AKAP9: variants seen among roughly 807,000 people sequenced by gnomAD.
The protein encoded by AKAP9 is A-kinase anchoring protein 9, also known as A-kinase anchor protein 9.
AKAP9 carries 311 observed loss-of-function variants against 488.5 expected under a neutral mutation model. The observed-to-expected ratio is 0.64, with a 90% CI of 0.58 to 0.70. AKAP9 has a LOEUF of 0.70. Among genes scored for constraint, AKAP9 ranks in the 30% least tolerant of loss-of-function variants. The pLI, the probability that AKAP9 is intolerant of heterozygous loss-of-function variation, is 0.00. For synonymous variants in AKAP9, 1,462 were observed against 1,483.5 expected (o/e 0.99, Z 0.33); for missense variants, 4,215 against 4,374.5 (o/e 0.96, Z 1.03).
chr7:92,077,629 T>C, intron 29 of AKAP9, 67 bp from the exon 30 acceptor site: 1 of 1,373,684 alleles, frequency 7.3e-7, no homozygotes, highest in Non-Finnish European at 1.0e-6. Context: ...CTGATTTCTT[T>C]TGTAATTATG....
At chr7:91,977,173 T>C (rs1795804778) in intron 2 of AKAP9, among the ~76,000 whole-genome samples, 1 of 152,060 alleles carries the variant, frequency 6.6e-6, no homozygotes, top group East Asian at 1.9e-4. Context: ...GGTGGGAGAA[T>C]CGCTTGAGCC....
At chr7:92,085,072 A>T in intron 35 of AKAP9, 132 bp downstream of exon 35, 1 of 989,916 alleles carries the variant, frequency 1.0e-6, no homozygotes, top group Non-Finnish European at 1.5e-6. Context: ...AATCTGAGAG[A>T]TCTATTTTAT....
intron 21 of AKAP9, among the ~76,000 whole-genome samples, chr7:92,047,909 C>T (rs1019404613): frequency 3.3e-5 from 5 of 152,072 alleles, no homozygotes; most frequent in Admixed American, 1.3e-4. Flanking sequence ...TGTTTAGCAG[C>T]AGTGTGATCA....
intron 24 of AKAP9, 64 bp from the exon 25 acceptor site, chr7:92,065,167 G>A: frequency 9.1e-7 from 1 of 1,104,814 alleles, no homozygotes; most frequent in Non-Finnish European, 1.3e-6. Context: ...TAGTTATCAG[G>A]GATTTCATTA....
intron 1 of AKAP9, among the ~76,000 whole-genome samples, chr7:91,945,445 T>G (rs1791347795): frequency 6.6e-6 from 1 of 152,154 alleles, no homozygotes; most frequent in Non-Finnish European, 1.5e-5. Flanking sequence ...AGGTGGAGGT[T>G]GCAGTGAACC....
At chr7:92,085,116 A>C (rs1026301662) in intron 35 of AKAP9, among the ~76,000 whole-genome samples, 176 bp downstream of exon 35, 3 of 152,234 alleles carry the variant, frequency 2.0e-5, no homozygotes, top group African/African-American at 7.2e-5. Flanking sequence ...GTAAGAGATT[A>C]ATGATAATAT....
intron 1 of AKAP9, among the ~76,000 whole-genome samples, chr7:91,943,845 A>G (rs1365504768): frequency 6.6e-6 from 1 of 152,208 alleles, no homozygotes. Flanking sequence ...ACAACTTTAA[A>G]TGATCATTTT....
At chr7:91,948,002 G>A (rs1791680829) in intron 1 of AKAP9, among the ~76,000 whole-genome samples, 1 of 152,078 alleles carries the variant, frequency 6.6e-6, no homozygotes, top group Admixed American at 6.6e-5. Context: ...GCACTCTCTG[G>A]ATTTACCAGT....
In AKAP9 at chr7:92,001,373, G is replaced by A; in HGVS notation, c.1456G>A (p.Asp486Asn). 6.2e-7 allele frequency: 1 copy of A among 1,613,758 alleles called. No homozygotes were observed. The highest frequency in any genetic ancestry group is 8.5e-7 in the Non-Finnish European group (1 of 1,179,772). The change falls in exon 8 of 50, where the codon GAT becomes AAT. Residue 486 changes from aspartate to asparagine, a missense_variant. Transcript: ENST00000356239. ...ATATTCAAATATTACAGTTAATGAAGATCAGATAAAGTTAATGAATGTGGC... is the reference window on the plus strand; with the variant it reads ...ATATTCAAATATTACAGTTAATGAAAATCAGATAAAGTTAATGAATGTGGC... Reference protein sequence around the residue: ...RSYSNITVNEDQIKLMNVAIN... With the variant: ...RSYSNITVNENQIKLMNVAIN...
At chr7:92,031,429 T>C (rs1039229616) in intron 15 of AKAP9, 83 bp from the exon 16 acceptor site, 8 of 956,212 alleles carry the variant, frequency 8.4e-6, no homozygotes, top group East Asian at 4.8e-5. Context: ...ACTGATACTT[T>C]GGGGAGATTT....
chr7:91,945,831 A>G (rs1233863309), intron 1 of AKAP9, among the ~76,000 whole-genome samples: 2 of 152,174 alleles, frequency 1.3e-5, no homozygotes, highest in Non-Finnish European at 2.9e-5. Flanking sequence ...ATAATTATTC[A>G]TGGCACGTAA....
chr7:92,030,348 A>G (rs1324317278), intron 15 of AKAP9, among the ~76,000 whole-genome samples: 2 of 152,182 alleles, frequency 1.3e-5, no homozygotes, highest in East Asian at 3.8e-4. Context: ...CCATCTCTAG[A>G]AAAGTGTTTA....
chr7:91,980,164 A>C (rs999647063), intron 2 of AKAP9, 125 bp from the exon 3 acceptor site: 4 of 530,314 alleles, frequency 7.5e-6, no homozygotes, highest in African/African-American at 3.9e-5. Context: ...AGTAATTTTT[A>C]CTAGTTTTTT....
At chr7:91,944,458 C>T (rs1248552371) in intron 1 of AKAP9, among the ~76,000 whole-genome samples, 1 of 150,856 alleles carries the variant, frequency 6.6e-6, no homozygotes, top group East Asian at 1.9e-4. Context: ...AGGATCTTGG[C>T]TCACTGCAGC....
chr7:91,974,540 G>A (rs1014467502), intron 2 of AKAP9, among the ~76,000 whole-genome samples: 7 of 152,148 alleles, frequency 4.6e-5, no homozygotes, highest in African/African-American at 1.4e-4. Flanking sequence ...ATCAGTAAGT[G>A]TGAGTCTTCC....
rs1408154917 is a variant in AKAP9 at position 92,101,028 on chromosome 7, G to A, written c.11069G>A (p.Ser3690Asn). Residue 3690 changes from serine to asparagine, a missense_variant, in exon 45 of 50, where the codon AGC (serine) becomes AAC (asparagine). Coordinates refer to ENST00000356239, the MANE Select transcript of AKAP9 (RefSeq NM_005751.5). ...AATGACTCTTTACTTCAAACTCTGA[G>A]CCCTGATTCTGAACATGTCACTTTA... ...LRNDSLLQTL[S>N]PDSEHVTLKR... is the part of the protein sequence containing the mutation. The A allele has an allele frequency of 3.7e-6, 6 of 1,613,808 alleles. No homozygotes were observed. The highest frequency in any genetic ancestry group is 5.1e-6 in the Non-Finnish European group (6 of 1,180,020).
intron 2 of AKAP9, among the ~76,000 whole-genome samples, chr7:91,979,014 A>G (rs1796061351): frequency 6.7e-6 from 1 of 148,988 alleles, no homozygotes; most frequent in African/African-American, 2.5e-5. Flanking sequence ...CTGACCTTAA[A>G]TGATCCACCC....
chr7:92,031,335 G>T lies in AKAP9; in HGVS notation c.4246-177G>T, dbSNP rs1413748713. 2.0e-5 allele frequency among the ~76,000 whole-genome samples: 3 copies of T among 152,108 alleles called. No homozygotes were observed. In the East Asian group the frequency reaches 5.8e-4, roughly 29 times the overall value. On this transcript the variant is annotated intron_variant, in intron 15 of 49. Transcript: ENST00000356239. ...TCACGGTAGTGAGTATAATTATTTG[G>T]TAGAATTATTTACTAGAATTATTTT...
At position 92,002,726 on chromosome 7, in the gene AKAP9, G is replaced by A. The variant is rs147543076; in HGVS notation, c.2809G>A (p.Asp937Asn). 6.2e-7 allele frequency: 1 copy of A among 1,613,568 alleles called. No individual in the cohort carries two copies. The highest frequency in any genetic ancestry group is 8.5e-7 in the Non-Finnish European group (1 of 1,179,676). The stretch of plus-strand genomic sequence containing the variant: ...GGAAATGGGTGAGGTTGTTGAAAAG[G>A]ATACAACAGAACTCATGGAAAAACT... ...TLEMGEVVEKDTTELMEKLEV... is the reference protein window; with the variant it reads ...TLEMGEVVEKNTTELMEKLEV... The change falls in exon 8 of 50, where the codon GAT becomes AAT. Residue 937 changes from aspartate (D) to asparagine (N), a missense_variant. Physicochemically the swap from Asp to Asn is conservative, Grantham distance 23. Transcript: ENST00000356239.
Sources: gnomAD v4.1 joint callset for allele counts (sites outside exome capture counted in the v4.1 genomes callset) on GRCh38, gnomAD v4.1.1 for gene constraint, MANE v1.5 for transcripts, NCBI Gene and HGNC (gene_info 2026-07-23, HGNC 2026-07-21) for gene names.